Variants in OR6F1 observed in about 807,000 individuals in gnomAD.
OR6F1 encodes the protein olfactory receptor family 6 subfamily F member 1.
For synonymous variants in OR6F1, 144 were observed against 150.0 expected, an observed-to-expected ratio of 0.96 and a Z score of 0.29; for missense variants, 346 against 376.0, an observed-to-expected ratio of 0.92 and a Z score of 0.66.
chr1:247,712,524 C>G lies in OR6F1; in HGVS notation c.232G>C (p.Val78Leu). Residue 78 changes from valine (V) to leucine (L), a missense_variant, in exon 3 of 3, where the codon GTG becomes CTG. Transcript: ENST00000641470. ...FLEIWYTTAA[V>L]PKALAILLGR... is the part of the protein sequence containing the mutation. ...AGTAGGATGGCCAGTGCTTTGGGCA[C>G]TGCTGCTGTGGTATACCAAATCTCC... is the stretch of plus-strand genomic sequence containing the variant. 1 of 1,613,934 alleles carries G rather than the reference C, an allele frequency of 6.2e-7. No individual in the cohort carries two copies. The highest frequency in any genetic ancestry group is 8.5e-7 in the Non-Finnish European group (1 of 1,179,770).
At chr1:247,713,443 C>A (rs1032613267) in intron 2 of OR6F1, among the ~76,000 whole-genome samples, 5 of 152,044 alleles carry the variant, frequency 3.3e-5, no homozygotes, top group African/African-American at 1.2e-4. Flanking sequence ...CCATATTGAA[C>A]AATACACTGA....
Position 247,711,524 on chromosome 1 carries a change from A to G in OR6F1, c.*305T>C, listed in dbSNP as rs769709113. On this transcript the variant is annotated 3_prime_UTR_variant, in exon 3 of 3. Coordinates refer to ENST00000641470, the MANE Select transcript of OR6F1 (RefSeq NM_001005286.2). ...TGCTAATCTTTAAAAAGAAACAAGA[A>G]TTTAGAGCTGATATACCAAAGCACT... 7 of 208,824 alleles carry G rather than the reference A, an allele frequency of 3.4e-5. No homozygotes were observed. Among genetic ancestry groups the G allele is most frequent in the African/African-American group, 6.9e-5 (3 of 43,270 alleles). 12.9% of individuals were successfully genotyped at this position (208,824 alleles called of 1,614,324 possible). A position where few individuals can be genotyped will look rare whatever the true frequency, so the allele number is the denominator to read the frequency against.
chr1:247,712,995 C>A (rs891268185), intron 2 of OR6F1, among the ~76,000 whole-genome samples, 178 bp from the exon 3 acceptor site: 3 of 152,172 alleles, frequency 2.0e-5, no homozygotes, highest in African/African-American at 7.2e-5. Flanking sequence ...GTTTAGAAAA[C>A]AAATGTGCAA....
In OR6F1 at chr1:247,713,945, C is replaced by A; in HGVS notation, c.-117G>T. 1 of 398,568 alleles carries A rather than the reference C, an allele frequency of 2.5e-6. No homozygotes were observed. Among genetic ancestry groups the A allele is most frequent in the Non-Finnish European group, 4.4e-6 (1 of 226,044 alleles). 24.7% of individuals were successfully genotyped at this position (398,568 alleles called of 1,614,324 possible). ...AGTGCTTCTCAAGCTCTAATGGGCA[C>A]ATGAATCACCTAAGGGTATTGCCAA... is the stretch of plus-strand genomic sequence containing the variant. On this transcript the variant is annotated 5_prime_UTR_variant, in exon 2 of 3. The change abolishes an upstream ATG in the 5' untranslated region. Transcript: ENST00000641470.
In OR6F1 at chr1:247,712,286, G is replaced by A; in HGVS notation, c.470C>T (p.Ala157Val). 6.2e-7 allele frequency: 1 copy of A among 1,614,176 alleles called. No individual in the cohort carries two copies. Among genetic ancestry groups the A allele is most frequent in the Non-Finnish European group, 8.5e-7 (1 of 1,180,002 alleles). The change falls in exon 3 of 3, where the codon GCA (alanine) becomes GTA (valine). Residue 157 changes from alanine to valine, a missense_variant. Ala to Val is a moderately conservative substitution (Grantham distance 64). Transcript: ENST00000641470. ...GCCACTGATGAGGGCTGTGGGCACT[G>A]CAATGGCCACGAAACCACACACCCA... is the stretch of plus-strand genomic sequence containing the variant. ...GSWVCGFVAI[A>V]VPTALISGLS... is the part of the protein sequence containing the mutation.
At chr1:247,714,784 A>C (rs1288509353) in intron 1 of OR6F1, among the ~76,000 whole-genome samples, 1 of 152,232 alleles carries the variant, frequency 6.6e-6, no homozygotes, top group Non-Finnish European at 1.5e-5. Context: ...GTTCTTTAAC[A>C]ATAAATACTA....
In OR6F1 at chr1:247,712,013, A is replaced by G. The variant is rs1381580628; in HGVS notation, c.743T>C (p.Val248Ala). ...AACTGTGGACCCATACCAAATGAGC[A>G]CCACGGTGAGATGCGAGGAGCACGT... ...FSTCSSHLTVVLIWYGSTVFL... is the reference protein window; with the variant it reads ...FSTCSSHLTVALIWYGSTVFL... Residue 248 changes from valine to alanine, a missense_variant, in exon 3 of 3, where the codon GTG (valine) becomes GCG (alanine). Transcript: ENST00000641470. 1.2e-6 allele frequency: 2 copies of G among 1,614,076 alleles called. No individual in the cohort carries two copies. The highest frequency in any genetic ancestry group is 1.7e-6 in the Non-Finnish European group (2 of 1,180,012).
Position 247,712,392 on chromosome 1 carries a change from G to A in OR6F1, c.364C>T (p.Arg122Cys), listed in dbSNP as rs370308508. Residue 122 changes from arginine to cysteine, a missense_variant, in exon 3 of 3, where the codon CGC becomes TGC. Coordinates refer to ENST00000641470, the MANE Select transcript of OR6F1 (RefSeq NM_001005286.2). The part of the protein sequence containing the change: ...YFLLAAMAYD[R>C]CLAICYPLHY... ...AAAGGATAGCAGATGGCAAGACAGC[G>A]GTCATAAGCCATGGCTGCCAGGAGG... 6.8e-6 allele frequency: 11 copies of A among 1,614,016 alleles called. No individual in the cohort carries two copies. The highest frequency in any genetic ancestry group is 8.5e-6 in the Non-Finnish European group (10 of 1,179,960).
chr1:247,712,267 G>A lies in OR6F1; in HGVS notation c.489C>T (p.Ile163=), dbSNP rs1415134464. The A allele has an allele frequency of 1.2e-6, 2 of 1,614,068 alleles. No individual in the cohort carries two copies. Among genetic ancestry groups the A allele is most frequent in the Admixed American group, 3.3e-5 (2 of 60,014 alleles). The change falls in exon 3 of 3, where the codon ATC becomes ATT. Residue 163 remains isoleucine (I), a synonymous_variant. Coordinates refer to ENST00000641470, the MANE Select transcript of OR6F1 (RefSeq NM_001005286.2). ...FVAIAVPTAL[I]SGLSFCGPRA... ...GGGGGCCACAGAAGGACAGGCCACT[G>A]ATGAGGGCTGTGGGCACTGCAATGG...
At chr1:247,714,270 G>C (rs1326431558) in intron 1 of OR6F1, among the ~76,000 whole-genome samples, 3 of 152,068 alleles carry the variant, frequency 2.0e-5, no homozygotes, top group Non-Finnish European at 4.4e-5. Context: ...CTACCAGGAA[G>C]GATTGGATGA....
In OR6F1 at chr1:247,711,533, T is replaced by C. The variant is rs1208206454; in HGVS notation, c.*296A>G. On this transcript the variant is annotated 3_prime_UTR_variant, in exon 3 of 3. Transcript: ENST00000641470. ...TTAAAAAGAAACAAGAATTTAGAGC[T>C]GATATACCAAAGCACTCTTTTTATT... 2 of 218,716 alleles carry C rather than the reference T, an allele frequency of 9.1e-6. No homozygotes were observed. The highest frequency in any genetic ancestry group is 1.8e-5 in the Non-Finnish European group (2 of 110,388). The allele number at this position is 218,716 out of a possible 1,614,324, so 13.5% of individuals were successfully genotyped here. A position where few individuals can be genotyped will look rare whatever the true frequency, so the allele number is the denominator to read the frequency against.
chr1:247,715,531 A>C (rs1660090658), intron 1 of OR6F1, among the ~76,000 whole-genome samples: 1 of 152,174 alleles, frequency 6.6e-6, no homozygotes, highest in South Asian at 2.1e-4. Flanking sequence ...GATCAACCCC[A>C]CATGTGAAAA....
chr1:247,712,662 G>C lies in OR6F1; in HGVS notation c.94C>G (p.Leu32Val). 6.2e-7 allele frequency: 1 copy of C among 1,613,416 alleles called. No individual in the cohort carries two copies. Residue 32 changes from leucine (L) to valine (V), a missense_variant, in exon 3 of 3, where the codon CTG (leucine) becomes GTG (valine). Physicochemically the swap from Leu to Val is conservative, Grantham distance 32. Coordinates refer to ENST00000641470, the MANE Select transcript of OR6F1 (RefSeq NM_001005286.2). ...CTAACTGTGAGGATGTACATCACCA[G>C]AAAAAGCATAAAGAGAGAGAGCTGA... ...TLQLSLFMLFLVMYILTVSGN... is the reference protein window; with the variant it reads ...TLQLSLFMLFVVMYILTVSGN...
In OR6F1 at chr1:247,712,372, A is replaced by T. The variant is rs1237383588; in HGVS notation, c.384T>A (p.Tyr128Ter). The part of the protein sequence containing the change: ...MAYDRCLAIC[Y>*]PLHYGAIMSS... ...TCATGATGGCTCCGTAGTGTAAAGG[A>T]TAGCAGATGGCAAGACAGCGGTCAT... The change falls in exon 3 of 3, where the codon TAT becomes TAA. Residue 128 changes from tyrosine (Y) to a stop codon, truncating the protein, a stop_gained. Coordinates refer to ENST00000641470, the MANE Select transcript of OR6F1 (RefSeq NM_001005286.2). LOFTEE classifies it low-confidence loss of function (END_TRUNC). 6.2e-7 allele frequency: 1 copy of T among 1,614,210 alleles called. No homozygotes were observed. Among genetic ancestry groups the T allele is most frequent in the East Asian group, 2.2e-5 (1 of 44,888 alleles).
At chr1:247,715,400 T>TA (rs1200301556) in intron 1 of OR6F1, among the ~76,000 whole-genome samples, 1 of 152,232 alleles carries the variant, frequency 6.6e-6, no homozygotes, top group Non-Finnish European at 1.5e-5. Flanking sequence ...TTTTGATAAC[T>TA]AAAAATTATA....
intron 2 of OR6F1, among the ~76,000 whole-genome samples, chr1:247,713,404 A>G (rs558111059): frequency 6.0e-5 from 9 of 149,950 alleles, no homozygotes; most frequent in South Asian, 2.1e-4. Context: ...ATTATATGAC[A>G]GATACTTCTC....
chr1:247,712,408 T>C lies in OR6F1; in HGVS notation c.348A>G (p.Ala116=). The change falls in exon 3 of 3, where the codon GCA becomes GCG. Residue 116 remains alanine (A), a synonymous_variant. Coordinates refer to ENST00000641470, the MANE Select transcript of OR6F1 (RefSeq NM_001005286.2). ...SLGCTEYFLL[A]AMAYDRCLAI... ...CAAGACAGCGGTCATAAGCCATGGC[T>C]GCCAGGAGGAAGTACTCTGTGCAGC... 1 of 1,614,132 alleles carries C rather than the reference T, an allele frequency of 6.2e-7. No homozygotes were observed.
rs780769351 is a variant in OR6F1, at chr1:247,712,062, T to C, written c.694A>G (p.Ser232Gly). The C allele has an allele frequency of 6.2e-7, 1 of 1,614,168 alleles. No homozygotes were observed. The highest frequency in any genetic ancestry group is 1.1e-5 in the South Asian group (1 of 91,076). ...ISTILRIPSA[S>G]GRSKAFSTCS... is the part of the protein sequence containing the mutation. ...GTGGAGAAGGCTTTGCTCCGGCCAC[T>C]GGCAGAGGGGATCCTGAGGATGGTG... Residue 232 changes from serine (S) to glycine (G), a missense_variant, in exon 3 of 3, where the codon AGT becomes GGT. Ser to Gly is a moderately conservative substitution (Grantham distance 56, BLOSUM62 0). Coordinates refer to ENST00000641470, the MANE Select transcript of OR6F1 (RefSeq NM_001005286.2).
chr1:247,715,808 A>C (rs1660095163), intron 1 of OR6F1, among the ~76,000 whole-genome samples: 1 of 152,188 alleles, frequency 6.6e-6, no homozygotes, highest in African/African-American at 2.4e-5. Flanking sequence ...AATAATTTTA[A>C]ATACATAATA....
Sources: allele counts gnomAD v4.1 joint callset (sites outside exome capture counted in the v4.1 genomes callset), GRCh38; gene constraint gnomAD v4.1.1; transcripts MANE v1.5; gene names NCBI Gene and HGNC (gene_info 2026-07-23, HGNC 2026-07-21).